Variants in VAC14 observed in about 807,000 individuals in gnomAD.
The protein encoded by VAC14 is VAC14 component of PIKFYVE complex.
VAC14 carries 47 observed loss-of-function variants against 85.3 expected under a neutral mutation model. That is an observed-to-expected ratio of 0.55 (90% CI 0.44 to 0.70). The LOEUF (loss-of-function observed/expected upper bound fraction) is 0.70. Among genes scored for constraint, VAC14 ranks in the 30% least tolerant of loss-of-function variants. The pLI is 0.00. For missense variants in VAC14, 861 were observed against 1,004.3 expected (o/e 0.86, Z 1.93); for synonymous variants, 447 against 430.5 (o/e 1.04, Z -0.47).
chr16:70,745,482 AGTGTGT>A (rs145054065), intron 12 of VAC14, among the ~76,000 whole-genome samples: 2,181 of 143,858 alleles, frequency 0.015, 24 homozygotes, highest in Middle Eastern at 0.038. Context: ...GAGGGGCTTC[AGTGTGT>A]GTGTGTGTGT....
chr16:70,774,815 C>T (rs113824968), intron 9 of VAC14, among the ~76,000 whole-genome samples: 124 of 97,604 alleles, frequency 1.3e-3, no homozygotes, highest in African/African-American at 7.9e-3. Flanking sequence ...ATGATCTTGG[C>T]GCTCACTGTA....
intron 12 of VAC14, among the ~76,000 whole-genome samples, chr16:70,751,218 A>G (rs1207508917): frequency 2.6e-5 from 4 of 152,214 alleles, no homozygotes; most frequent in Admixed American, 2.0e-4. Context: ...GCTACTGAAG[A>G]GGGAACCCTT....
chr16:70,752,482 C>T (rs370262356), intron 12 of VAC14, among the ~76,000 whole-genome samples: 34 of 152,368 alleles, frequency 2.2e-4, no homozygotes, highest in African/African-American at 5.3e-4. Flanking sequence ...AGAGGGTACA[C>T]TCTCAGGGTT....
At chr16:70,728,005 G>A (rs1432079627) in intron 14 of VAC14, among the ~76,000 whole-genome samples, 2 of 152,192 alleles carry the variant, frequency 1.3e-5, no homozygotes, top group African/African-American at 4.8e-5. Context: ...CCGGGTGAAG[G>A]ACTAGGAGAG....
chr16:70,794,281 C>T (rs2034452493), intron 1 of VAC14, among the ~76,000 whole-genome samples: 2 of 152,212 alleles, frequency 1.3e-5, no homozygotes, highest in African/African-American at 4.8e-5. Flanking sequence ...CACCCACTGG[C>T]AGTCACTCCC....
At chr16:70,688,871 C>G (rs1053471127) in intron 18 of VAC14, 3 of 985,456 alleles carry the variant, frequency 3.0e-6, no homozygotes, top group African/African-American at 1.7e-5. Context: ...CCAGCAGTGT[C>G]TCATGAAATG....
intron 14 of VAC14, among the ~76,000 whole-genome samples, chr16:70,713,318 G>A (rs1349331582): frequency 2.0e-5 from 3 of 152,326 alleles, no homozygotes; most frequent in East Asian, 3.9e-4. Flanking sequence ...TGGCTATGAC[G>A]GGCGCGCTGC....
rs1264967691 is a variant in VAC14, at chr16:70,753,676, C to T, written c.1371+8864G>A. The stretch of plus-strand genomic sequence containing the variant: ...TGAAAAATACCAGCCCCTGGGCACC[C>T]GGGCTCTGCTTGAGGGACGACTGAG... On this transcript the variant is annotated intron_variant, in intron 12 of 18. Transcript: ENST00000261776. Among the ~76,000 whole-genome samples, 4 of 152,178 alleles carry T rather than the reference C, an allele frequency of 2.6e-5. No homozygotes were observed. In the East Asian group the frequency reaches 5.8e-4, roughly 22 times the overall value.
intron 9 of VAC14, among the ~76,000 whole-genome samples, chr16:70,774,909 C>CT (rs1277929551): frequency 6.6e-6 from 1 of 151,974 alleles, no homozygotes; most frequent in Non-Finnish European, 1.5e-5. Flanking sequence ...CCATGCCCGG[C>CT]TAATTTTTTT....
At chr16:70,765,897 C>T (rs967636812) in intron 10 of VAC14, among the ~76,000 whole-genome samples, 1 of 151,956 alleles carries the variant, frequency 6.6e-6, no homozygotes, top group Non-Finnish European at 1.5e-5. Flanking sequence ...TTTGGGAGGC[C>T]GAGGCAGGCG....
chr16:70,778,235 G>A (rs982414010), intron 9 of VAC14, among the ~76,000 whole-genome samples: 8 of 152,142 alleles, frequency 5.3e-5, no homozygotes, highest in Non-Finnish European at 1.0e-4. Context: ...ATCAAACCCG[G>A]GCCTCCCGCG....
At chr16:70,690,447 C>T (rs758007723) in intron 18 of VAC14, 158 of 985,518 alleles carry the variant, frequency 1.6e-4, no homozygotes, top group Non-Finnish European at 1.8e-4. Context: ...TCAGGGCCGG[C>T]TCTCACTCTT....
chr16:70,754,919 C>T lies in VAC14; in HGVS notation c.1371+7621G>A, dbSNP rs139217908. ...AGTACTGTTCTTATGGAAGACTGTC[C>T]GCTTCTGAGCAGGCAGCATTAGTAT... On this transcript the variant is annotated intron_variant, in intron 12 of 18. Transcript: ENST00000261776. Among the ~76,000 whole-genome samples, 59 of 152,256 alleles carry T rather than the reference C, an allele frequency of 3.9e-4. 1 individual carries two copies. Among genetic ancestry groups the T allele is most frequent in the Non-Finnish European group, 7.4e-4 (50 of 68,004 alleles).
intron 9 of VAC14, among the ~76,000 whole-genome samples, chr16:70,778,279 T>C (rs1226297699): frequency 1.3e-5 from 2 of 152,148 alleles, no homozygotes; most frequent in East Asian, 1.9e-4. Context: ...GAACCACCAA[T>C]GCTCCAGCTG....
chr16:70,790,935 T>G (rs1683631688), intron 1 of VAC14, among the ~76,000 whole-genome samples: 3 of 152,242 alleles, frequency 2.0e-5, no homozygotes, highest in Admixed American at 1.3e-4. Context: ...GAACACGTCC[T>G]TACCAATATG....
intron 10 of VAC14, chr16:70,766,521 C>A (rs2032827379): frequency 2.2e-6 from 1 of 456,688 alleles, no homozygotes; most frequent in South Asian, 1.5e-5. Flanking sequence ...GCACTCAACC[C>A]AGAACCTCAT....
chr16:70,748,730 T>C (rs2031126242), intron 12 of VAC14, among the ~76,000 whole-genome samples: 1 of 152,200 alleles, frequency 6.6e-6, no homozygotes, highest in Non-Finnish European at 1.5e-5. Flanking sequence ...GCAGATCACC[T>C]GACGTCAGGA....
intron 13 of VAC14, among the ~76,000 whole-genome samples, chr16:70,742,067 C>T (rs183770881): frequency 6.4e-4 from 98 of 152,286 alleles, no homozygotes; most frequent in Middle Eastern, 3.4e-3. Context: ...TCTCTGTGCC[C>T]GGGAGGAAGA....
intron 14 of VAC14, among the ~76,000 whole-genome samples, chr16:70,729,478 G>C (rs1290108666): frequency 6.6e-6 from 1 of 152,044 alleles, no homozygotes; most frequent in African/African-American, 2.4e-5. Flanking sequence ...CAGCTCCTGA[G>C]CTGGCCGGTC....
Sources: allele counts gnomAD v4.1 joint callset (sites outside exome capture counted in the v4.1 genomes callset), GRCh38; gene constraint gnomAD v4.1.1; transcripts MANE v1.5; gene names NCBI Gene and HGNC (gene_info 2026-07-23, HGNC 2026-07-21).